Variants in NR1H4 observed in about 807,000 individuals in gnomAD.
NR1H4 encodes the protein nuclear receptor subfamily 1 group H member 4.
Under a neutral mutation model 58.5 loss-of-function variants are expected in NR1H4, and 23 were observed. The ratio of observed to expected loss-of-function variants is 0.39; its 90% CI spans 0.28 to 0.56. The LOEUF is 0.56. Ranked by LOEUF, NR1H4 falls within the 20% of genes least tolerant of loss-of-function variation. The pLI is 0.58. For missense variants in NR1H4, 487 were observed against 576.9 expected, an observed-to-expected ratio of 0.84 and a Z score of 1.60; for synonymous variants, 214 against 198.0, an observed-to-expected ratio of 1.08 and a Z score of -0.68.
intron 9 of NR1H4, 23 bp downstream of exon 9, chr12:100,540,841 A>G: frequency 6.2e-7 from 1 of 1,613,514 alleles, no homozygotes; most frequent in South Asian, 1.1e-5. Context: ...GCTAATGGTA[A>G]AAGAGTTTGT....
chr12:100,507,086 A>G (rs1410380890), intron 3 of NR1H4, among the ~76,000 whole-genome samples: 2 of 152,214 alleles, frequency 1.3e-5, no homozygotes, highest in African/African-American at 4.8e-5. Flanking sequence ...TGGATGCTAC[A>G]GAATCCAGAT....
chr12:100,521,447 C>G (rs1954416184), intron 4 of NR1H4, among the ~76,000 whole-genome samples: 1 of 152,168 alleles, frequency 6.6e-6, no homozygotes. Flanking sequence ...ATTCAAACCT[C>G]AAACCTCAAC....
chr12:100,487,249 T>C (rs2136089765), intron 1 of NR1H4, among the ~76,000 whole-genome samples: 1 of 152,290 alleles, frequency 6.6e-6, no homozygotes, highest in African/African-American at 2.4e-5. Flanking sequence ...AAAAAAATGA[T>C]AGAACACAAT....
chr12:100,510,779 T>C lies in NR1H4; in HGVS notation c.81T>C (p.Gly27=), dbSNP rs1954090858. ...DEFSFSENLF[G]VLTEQVAGPL... ...AGTTTTGTTGTCACTTTTGTTCAGGTGTTTTAACAGAACAAGTGGCAGGTC... is the reference window on the plus strand; with the variant it reads ...AGTTTTGTTGTCACTTTTGTTCAGGCGTTTTAACAGAACAAGTGGCAGGTC... The change falls in exon 4 of 11, where the codon GGT becomes GGC. Residue 27 remains glycine (G), a splice_region_variant and synonymous_variant. Transcript: ENST00000392986. 6.2e-7 allele frequency: 1 copy of C among 1,613,784 alleles called. No homozygotes were observed. The highest frequency in any genetic ancestry group is 1.3e-5 in the African/African-American group (1 of 74,892).
At chr12:100,501,783 A>G (rs768167370) in intron 3 of NR1H4, among the ~76,000 whole-genome samples, 9 of 152,188 alleles carry the variant, frequency 5.9e-5, no homozygotes, top group Non-Finnish European at 2.9e-5. Context: ...TAAATAGGGC[A>G]TGAATTATTA....
chr12:100,539,722 C>T (rs1954893652), intron 8 of NR1H4, among the ~76,000 whole-genome samples: 1 of 152,120 alleles, frequency 6.6e-6, no homozygotes, highest in Non-Finnish European at 1.5e-5. Context: ...GGCCTCTGCC[C>T]CCAAGAAATG....
chr12:100,522,587 G>A (rs1475318326), intron 4 of NR1H4, among the ~76,000 whole-genome samples: 5 of 151,102 alleles, frequency 3.3e-5, no homozygotes, highest in Admixed American at 6.6e-5. Flanking sequence ...GGGTACAGTC[G>A]TACAAATGGT....
At chr12:100,484,594 T>C (rs1463110429) in intron 1 of NR1H4, among the ~76,000 whole-genome samples, 4 of 152,210 alleles carry the variant, frequency 2.6e-5, no homozygotes, top group Admixed American at 1.3e-4. Context: ...TTAAACTTTG[T>C]ATCATGGGGC....
chr12:100,503,458 G>T, intron 3 of NR1H4: 1 of 1,597,592 alleles, frequency 6.3e-7, no homozygotes, highest in Non-Finnish European at 8.5e-7. Flanking sequence ...ACGCCGTCAG[G>T]ATTTTTCATG....
chr12:100,545,641 C>CAAAAAAAAAAAAA lies in NR1H4; in HGVS notation c.1078+4839_1078+4851dup, dbSNP rs35404680. On this transcript the variant is annotated intron_variant, in intron 9 of 10. Transcript: ENST00000392986. ...TGGGTGACAGAGTGAGACCTTGTCT[C>CAAAAAAAAAAAAA]AAAAAAAAAAAAAAAAAAAAAAAAA... Among the ~76,000 whole-genome samples, 25 of 7,878 alleles carry CAAAAAAAAAAAAA rather than the reference C, an allele frequency of 3.2e-3. 3 individuals carry two copies. The highest frequency in any genetic ancestry group is 0.012 in the African/African-American group (24 of 1,922). The allele number at this position is 7,878 out of a possible 152,430, so 5.2% of individuals were successfully genotyped here.
At chr12:100,502,339 G>A (rs1389073187) in intron 3 of NR1H4, among the ~76,000 whole-genome samples, 2 of 152,144 alleles carry the variant, frequency 1.3e-5, no homozygotes, top group Non-Finnish European at 2.9e-5. Context: ...TAGTTCTGGA[G>A]GCTGGAAGTC....
At chr12:100,510,214 A>G (rs2136154991) in intron 3 of NR1H4, among the ~76,000 whole-genome samples, 1 of 152,350 alleles carries the variant, frequency 6.6e-6, no homozygotes, top group African/African-American at 2.4e-5. Flanking sequence ...GCATATTTCT[A>G]AAATAAATTT....
chr12:100,493,166 A>G, intron 2 of NR1H4, 104 bp from the exon 3 acceptor site: 1 of 634,530 alleles, frequency 1.6e-6, no homozygotes, highest in Non-Finnish European at 2.8e-6. Flanking sequence ...ATTCAAAGGG[A>G]GCCATTTGTA....
At chr12:100,476,620 G>C (rs994681942) in intron 1 of NR1H4, among the ~76,000 whole-genome samples, 3 of 152,146 alleles carry the variant, frequency 2.0e-5, no homozygotes, top group African/African-American at 7.2e-5. Context: ...GGTGCATAAA[G>C]GACAGAAAAG....
chr12:100,519,965 G>T (rs560137916), intron 4 of NR1H4, among the ~76,000 whole-genome samples: 11 of 152,264 alleles, frequency 7.2e-5, no homozygotes, highest in African/African-American at 2.6e-4. Context: ...GTGTTCTCCT[G>T]TGAAAACAAA....
intron 4 of NR1H4, among the ~76,000 whole-genome samples, chr12:100,530,847 C>T (rs529144863): frequency 2.6e-5 from 4 of 152,256 alleles, no homozygotes; most frequent in African/African-American, 7.2e-5. Context: ...GTCTTCAAGA[C>T]GATCACTTGA....
At chr12:100,548,451 C>T (rs1287280360) in intron 9 of NR1H4, among the ~76,000 whole-genome samples, 2 of 151,882 alleles carry the variant, frequency 1.3e-5, no homozygotes, top group African/African-American at 4.8e-5. Context: ...TCAGAACAGG[C>T]AAGGCTTTCT....
chr12:100,547,254 G>T (rs79367210), intron 9 of NR1H4, among the ~76,000 whole-genome samples: 3 of 152,146 alleles, frequency 2.0e-5, no homozygotes, highest in Non-Finnish European at 4.4e-5. Context: ...TGAACTCCCC[G>T]AGCTTAGTCA....
At position 100,487,068 on chromosome 12, in the gene NR1H4, T is replaced by C. The variant is rs80191088; in HGVS notation, c.-189-5435T>C. 6.7e-3 allele frequency among the ~76,000 whole-genome samples: 1,022 copies of C among 152,210 alleles called. 10 individuals are homozygous for C. Among genetic ancestry groups the C allele is most frequent in the African/African-American group, 0.023 (976 of 41,538 alleles). ...AATGGAAACTGTCACACATAGCCAA[T>C]ATAGATGTAAAGAAATGTTTTTTAA... On this transcript the variant is annotated intron_variant, in intron 1 of 10. Transcript: ENST00000392986.
Sources: allele counts gnomAD v4.1 joint callset (sites outside exome capture counted in the v4.1 genomes callset), GRCh38; gene constraint gnomAD v4.1.1; transcripts MANE v1.5; gene names NCBI Gene and HGNC (gene_info 2026-07-23, HGNC 2026-07-21).